RUNX3: variants seen among roughly 807,000 people sequenced by gnomAD.
RUNX3 encodes RUNX family transcription factor 3.
In RUNX3, 10 loss-of-function variants were observed where a neutral mutation model predicts 27.7. The observed-to-expected ratio is 0.36, with a 90% CI of 0.22 to 0.61. RUNX3 has a LOEUF of 0.61. RUNX3 is among the 20% of genes least tolerant of loss of function. The probability of loss-of-function intolerance (pLI) is 0.72; values close to 1 mark genes in which losing one functional copy is unlikely to be tolerated. For synonymous variants in RUNX3, 270 were observed against 269.2 expected (o/e 1.00, Z -0.03); for missense variants, 469 against 629.5 (o/e 0.75, Z 2.73).
chr1:24,928,940 A>G (rs1399507374), intron 1 of RUNX3: 1 of 418,812 alleles, frequency 2.4e-6, no homozygotes, highest in African/African-American at 2.1e-5. Flanking sequence ...CCCCTTAAAA[A>G]AATGAAAATG....
intron 2 of RUNX3, among the ~76,000 whole-genome samples, chr1:24,921,047 A>C (rs930942361): frequency 6.6e-6 from 1 of 152,218 alleles, no homozygotes; most frequent in East Asian, 1.9e-4. Flanking sequence ...GTAGGGGCCA[A>C]TGGTCTCGCA....
chr1:24,905,861 C>A (rs1486679917), intron 4 of RUNX3, among the ~76,000 whole-genome samples: 1 of 152,222 alleles, frequency 6.6e-6, no homozygotes, highest in South Asian at 2.1e-4. Context: ...CAGGGGTGGG[C>A]GTGAGCACAG....
rs144324624 is a variant in RUNX3 at position 24,902,485 on chromosome 1, C to G, written c.885G>C (p.Ala295=). 1 of 1,600,302 alleles carries G rather than the reference C, an allele frequency of 6.2e-7. No individual in the cohort carries two copies. Among genetic ancestry groups the G allele is most frequent in the Non-Finnish European group, 8.5e-7 (1 of 1,170,074 alleles). Residue 295 remains alanine (A), a synonymous_variant, in exon 5 of 5, where the codon GCG becomes GCC. Coordinates refer to ENST00000308873, the MANE Select transcript of RUNX3 (RefSeq NM_004350.3). The surrounding 1 kb of genome is among the most constrained non-coding windows in gnomAD (Gnocchi z 9.2). ...GGAAGCGGCTGGTGGCCGGCATGCC[C>G]GCCACGCTGAGGCTGCTGATGCTCG... is the stretch of plus-strand genomic sequence containing the variant. ...SGTSISSLSV[A]GMPATSRFHH...
chr1:24,930,577 C>T (rs1368661616), upstream of RUNX3, among the ~76,000 whole-genome samples: 1 of 152,102 alleles, frequency 6.6e-6, no homozygotes, highest in South Asian at 2.1e-4. The surrounding 1 kb of genome is among the most constrained non-coding windows in gnomAD (Gnocchi z 4.1). Context: ...CGCCCTCTCT[C>T]GGGTCGTAGC....
intron 3 of RUNX3, among the ~76,000 whole-genome samples, chr1:24,917,928 T>C (rs1640919232): frequency 6.6e-6 from 1 of 152,244 alleles, no homozygotes; most frequent in East Asian, 1.9e-4. Context: ...CCTAGGGTCA[T>C]GAAGCCCAAG....
rs918446631 is a variant in RUNX3, at chr1:24,964,021, C to G, written c.58+493G>C. Among the ~76,000 whole-genome samples the G allele has an allele frequency of 3.9e-5, 6 of 152,344 alleles. No homozygotes were observed. In the East Asian group the frequency reaches 1.2e-3, roughly 29 times the overall value. On this transcript the variant is annotated intron_variant, in intron 2 of 6. Coordinates refer to the RUNX3 transcript ENST00000338888. The stretch of plus-strand genomic sequence containing the variant: ...CAAAAGCCTGTGGCTTCCTTCTCCT[C>G]CCTCTGCTTCTGATACCCCAGGAGT...
intron 1 of RUNX3, chr1:24,929,246 A>T (rs1039011003): frequency 5.4e-5 from 30 of 558,380 alleles, no homozygotes; most frequent in Admixed American, 8.8e-5. Context: ...CTGTCCCGGG[A>T]TCCTCTTCTC....
intron 3 of RUNX3, among the ~76,000 whole-genome samples, chr1:24,908,179 TCTACGACACGCGGTGATCC>T (rs1640717310): frequency 1.4e-5 from 2 of 140,824 alleles, no homozygotes; most frequent in African/African-American, 5.7e-5. Context: ...GATCCGAAGC[TCTACGACACGCGGTGATCC>T]GAACCTCTAC....
At chr1:24,908,746 G>C (rs1371326793) in intron 3 of RUNX3, among the ~76,000 whole-genome samples, 1 of 152,218 alleles carries the variant, frequency 6.6e-6, no homozygotes, top group Non-Finnish European at 1.5e-5. Flanking sequence ...CAGGAGCACT[G>C]CCACCCTCTG....
In RUNX3 at chr1:24,902,820, C is replaced by T. The variant is rs1375233730; in HGVS notation, c.704-154G>A. Reference sequence around the variant, plus strand: ...TCTTCCTGCCCTAGGCTGCCCGGGGCCTCCCCCGCCAGGACTCCGAACACA... The same window carrying T: ...TCTTCCTGCCCTAGGCTGCCCGGGGTCTCCCCCGCCAGGACTCCGAACACA... On this transcript the variant is annotated intron_variant, in intron 4 of 4. Transcript: ENST00000308873. The surrounding 1 kb of genome is among the most constrained non-coding windows in gnomAD (Gnocchi z 9.2). Among the ~76,000 whole-genome samples, 1 of 152,160 alleles carries T rather than the reference C, an allele frequency of 6.6e-6. No homozygotes were observed. The highest frequency in any genetic ancestry group is 1.5e-5 in the Non-Finnish European group (1 of 68,008).
intron 3 of RUNX3, among the ~76,000 whole-genome samples, chr1:24,913,167 A>G (rs1640826935): frequency 6.6e-6 from 1 of 152,278 alleles, no homozygotes; most frequent in Admixed American, 6.5e-5. Flanking sequence ...AAAGCAGAGG[A>G]CTGAGATGGC....
chr1:24,915,177 A>C (rs1235053590), intron 3 of RUNX3, among the ~76,000 whole-genome samples: 1 of 149,990 alleles, frequency 6.7e-6, no homozygotes. Context: ...TAGTCCCAGC[A>C]CTTTGGGAGG....
At chr1:24,942,147 T>G (rs1641493913) in intron 2 of RUNX3, among the ~76,000 whole-genome samples, 1 of 152,020 alleles carries the variant, frequency 6.6e-6, no homozygotes, top group East Asian at 1.9e-4. Flanking sequence ...TTCCCAGTCC[T>G]GCCCTTAGCA....
At chr1:24,959,348 TG>T (rs1313617643) in intron 2 of RUNX3, among the ~76,000 whole-genome samples, 3 of 152,050 alleles carry the variant, frequency 2.0e-5, no homozygotes, top group Non-Finnish European at 4.4e-5. Context: ...TTTTCCAGCC[TG>T]GGGGGCACTT....
rs1044945390 is a variant in RUNX3 at position 24,916,277 on chromosome 1, G to A, written c.544+2963C>T. 5.9e-5 allele frequency among the ~76,000 whole-genome samples: 9 copies of A among 152,190 alleles called. No individual in the cohort carries two copies. The highest frequency in any genetic ancestry group is 1.9e-4 in the African/African-American group (8 of 41,430). On this transcript the variant is annotated intron_variant, in intron 3 of 4. Transcript: ENST00000308873. This position sits in a 1 kb window ranked among gnomAD's most constrained non-coding sequence, Gnocchi z 4.8. ...GGGGCACTTCCTGGGGCCAGGCCCC[G>A]GTAAACTCAGTCAACCTTCACAGCG...
intron 2 of RUNX3, among the ~76,000 whole-genome samples, chr1:24,949,971 C>T (rs1434678633): frequency 2.6e-5 from 4 of 152,198 alleles, no homozygotes; most frequent in Admixed American, 6.5e-5. Flanking sequence ...CCTGGAACCC[C>T]AGGAGACCCC....
chr1:24,957,336 T>C (rs899138037), intron 2 of RUNX3, among the ~76,000 whole-genome samples: 6 of 149,786 alleles, frequency 4.0e-5, no homozygotes, highest in Admixed American at 6.7e-5. Flanking sequence ...ATTCATTCGT[T>C]CATCCATCCA....
Position 24,943,978 on chromosome 1 carries a change from A to G in RUNX3, c.59-14126T>C, listed in dbSNP as rs1162631624. ...CAGTTCCCTGGTGTTGTGGGAGGTG[A>G]GACTGTGCCCCTCTCTGCCATAAAA... On this transcript the variant is annotated intron_variant, in intron 2 of 6. Transcript: ENST00000338888. This position sits in a 1 kb window ranked among gnomAD's most constrained non-coding sequence, Gnocchi z 4.6. Among the ~76,000 whole-genome samples, 1 of 152,126 alleles carries G rather than the reference A, an allele frequency of 6.6e-6. No homozygotes were observed. The highest frequency in any genetic ancestry group is 1.5e-5 in the Non-Finnish European group (1 of 68,014).
rs554101269 is a variant in RUNX3, at chr1:24,940,233, G to T, written c.59-10381C>A. Among the ~76,000 whole-genome samples, 38 of 152,202 alleles carry T rather than the reference G, an allele frequency of 2.5e-4. 1 individual carries two copies. Among genetic ancestry groups the T allele is most frequent in the Non-Finnish European group, 4.9e-4 (33 of 68,026 alleles). ...GAGATCAAGTTGAGACCAGGATATTGTGCAGGGAGTTCGAGTGTTAGATGG... is the reference window on the plus strand; with the variant it reads ...GAGATCAAGTTGAGACCAGGATATTTTGCAGGGAGTTCGAGTGTTAGATGG... On this transcript the variant is annotated intron_variant, in intron 2 of 6. Coordinates refer to the RUNX3 transcript ENST00000338888.
Sources: allele counts gnomAD v4.1 joint callset (sites outside exome capture counted in the v4.1 genomes callset), GRCh38; gene constraint gnomAD v4.1.1; non-coding constraint Gnocchi (gnomAD v3.1); transcripts MANE v1.5; gene names NCBI Gene and HGNC (gene_info 2026-07-23, HGNC 2026-07-21).